Variants in PHF10 observed in about 807,000 individuals in gnomAD.
PHF10 encodes the protein PHD finger protein 10.
In PHF10, 51 loss-of-function variants were observed where a neutral mutation model predicts 68.5. The ratio of observed to expected loss-of-function variants is 0.74; its 90% CI spans 0.59 to 0.94. The LOEUF (loss-of-function observed/expected upper bound fraction) is 0.94. Among genes scored for constraint, PHF10 ranks in the 40% least tolerant of loss-of-function variants. The pLI is 0.00. For missense variants in PHF10, 460 were observed against 602.6 expected (o/e 0.76, Z 2.48); for synonymous variants, 204 against 203.5 (o/e 1.00, Z -0.02).
chr6:169,707,543 T>C (rs956088737), intron 9 of PHF10: 2 of 152,182 alleles, frequency 1.3e-5, no homozygotes, highest in African/African-American at 2.4e-5. Context: ...AATACTCTAA[T>C]ATCTTTCACT....
intron 9 of PHF10, chr6:169,708,924 AG>A (rs1394965299): frequency 6.6e-6 from 1 of 152,180 alleles, no homozygotes; most frequent in East Asian, 1.9e-4. Context: ...ACTTGCTTTC[AG>A]TTATTAAGCA....
At chr6:169,708,794 GC>G (rs1433183895) in intron 9 of PHF10, 3 of 152,030 alleles carry the variant, frequency 2.0e-5, no homozygotes, top group Admixed American at 2.0e-4. Flanking sequence ...GATCTACTTA[GC>G]ACTCAAGAGT....
intron 6 of PHF10, 56 bp from the exon 7 acceptor site, chr6:169,714,898 T>TTC: frequency 1.1e-6 from 1 of 932,732 alleles, no homozygotes; most frequent in Non-Finnish European, 1.8e-6. Context: ...ATCAAGGCTT[T>TTC]AGGAAGAGTC....
chr6:169,708,950 G>A (rs768713547), intron 9 of PHF10: 2 of 151,672 alleles, frequency 1.3e-5, no homozygotes, highest in Non-Finnish European at 2.9e-5. Flanking sequence ...TTTATATAAA[G>A]AAATTACATA....
rs751419693 is a variant in PHF10 at position 169,704,103 on chromosome 6, GTTAA to G, written c.1412-19_1412-16del. Reference sequence around the variant, plus strand: ...AATCCAGCGACCTAGGAAAAAAATTGTTAATATAGAATGAAAAATTATCTTTACA... The same window carrying G: ...AATCCAGCGACCTAGGAAAAAAATTGTATAGAATGAAAAATTATCTTTACA... On this transcript the variant is annotated splice_polypyrimidine_tract_variant and intron_variant, in intron 11 of 11. Coordinates refer to ENST00000339209, the MANE Select transcript of PHF10 (RefSeq NM_018288.4). 1 of 1,567,542 alleles carries G rather than the reference GTTAA, an allele frequency of 6.4e-7. No individual in the cohort carries two copies. The highest frequency in any genetic ancestry group is 2.2e-5 in the Admixed American group (1 of 46,312).
intron 1 of PHF10, among the ~76,000 whole-genome samples, chr6:169,722,923 T>C (rs1789214527): frequency 6.6e-6 from 1 of 152,222 alleles, no homozygotes; most frequent in Admixed American, 6.5e-5. Flanking sequence ...AGTGCAAGGA[T>C]GTGCATTCAG....
chr6:169,714,832 A>G lies in PHF10; in HGVS notation c.704T>C (p.Val235Ala), dbSNP rs765129670. 1 of 1,515,944 alleles carries G rather than the reference A, an allele frequency of 6.6e-7. No individual in the cohort carries two copies. The highest frequency in any genetic ancestry group is 9.2e-7 in the Non-Finnish European group (1 of 1,090,528). The allele number at this position is 1,515,944 out of a possible 1,614,324, so 93.9% of individuals were successfully genotyped here. A position where few individuals can be genotyped will look rare whatever the true frequency, so the allele number is the denominator to read the frequency against. Reference protein sequence around the residue: ...YFDLQTHVIQVPQGKYKVLPT... With the variant: ...YFDLQTHVIQAPQGKYKVLPT... ...CAAAACTTTGTACTTCCCTTGAGGT[A>G]CCTGGATAACCTACGTTAACATAAA... is the stretch of plus-strand genomic sequence containing the variant. Residue 235 changes from valine (V) to alanine (A), a missense_variant, in exon 7 of 12, where the codon GTA (valine) becomes GCA (alanine). Coordinates refer to ENST00000339209, the MANE Select transcript of PHF10 (RefSeq NM_018288.4).
intron 8 of PHF10, among the ~76,000 whole-genome samples, chr6:169,710,808 T>A (rs991009765): frequency 4.6e-5 from 7 of 151,178 alleles, no homozygotes; most frequent in African/African-American, 1.7e-4. Flanking sequence ...ATTAAGAAGG[T>A]CCTTCAGGAA....
intron 9 of PHF10, chr6:169,707,347 G>A (rs1033963201): frequency 1.3e-5 from 2 of 152,024 alleles, no homozygotes; most frequent in African/African-American, 4.8e-5. Context: ...AAACAGCTAG[G>A]AAGTGCACTT....
In PHF10 at chr6:169,720,068, A is replaced by G. The variant is rs145278981; in HGVS notation, c.194+937T>C. Among the ~76,000 whole-genome samples the G allele has an allele frequency of 2.6e-5, 4 of 152,252 alleles. No homozygotes were observed. The East Asian group carries it at 5.8e-4, about 22-fold the overall frequency. Reference sequence around the variant, plus strand: ...GGCCAAGCAGATGAAAAGATGTTCAATATCAGTAGGCATTATGAAAATGCA... The same window carrying G: ...GGCCAAGCAGATGAAAAGATGTTCAGTATCAGTAGGCATTATGAAAATGCA... On this transcript the variant is annotated intron_variant, in intron 2 of 11. Transcript: ENST00000339209.
chr6:169,704,969 G>C, intron 11 of PHF10, 164 bp downstream of exon 11: 1 of 476,978 alleles, frequency 2.1e-6, no homozygotes, highest in Non-Finnish European at 3.8e-6. Flanking sequence ...ATTGTCTAGG[G>C]ATGAAAAGCT....
chr6:169,705,299 C>T lies in PHF10; in HGVS notation c.1245G>A (p.Met415Ile), dbSNP rs1788743155. ...TAATCATAGAAACAAGCTCCATTGT[C>T]ATATCCAGGCAAGAAGGATGGCCTA... ...ENSGHPSCLD[M>I]TMELVSMIKT... The change falls in exon 11 of 12, where the codon ATG becomes ATA. Residue 415 changes from methionine (M) to isoleucine (I), a missense_variant. Met to Ile is a conservative substitution (Grantham distance 10). Transcript: ENST00000339209. The T allele has an allele frequency of 6.2e-7, 1 of 1,609,666 alleles. No homozygotes were observed. Among genetic ancestry groups the T allele is most frequent in the African/African-American group, 1.3e-5 (1 of 74,886 alleles).
Position 169,714,375 on chromosome 6 carries a change from T to C in PHF10, c.803+358A>G, listed in dbSNP as rs762956386. On this transcript the variant is annotated intron_variant, in intron 7 of 11. Coordinates refer to ENST00000339209, the MANE Select transcript of PHF10 (RefSeq NM_018288.4). ...CTGTTAAAATGCAGACTCTGAGTCA[T>C]AGGTCTAGAGTTGGGCCTGAGATTC... Among the ~76,000 whole-genome samples the C allele has an allele frequency of 8.4e-4, 128 of 152,172 alleles. 1 individual carries two copies. Among genetic ancestry groups the C allele is most frequent in the Non-Finnish European group, 1.7e-3 (117 of 68,036 alleles).
At chr6:169,707,100 T>G (rs541157861) in intron 9 of PHF10, 41 of 152,206 alleles carry the variant, frequency 2.7e-4, no homozygotes, top group Non-Finnish European at 4.6e-4. Context: ...AAACAAGAAC[T>G]CTAAACAATC....
Position 169,721,032 on chromosome 6 carries a change from C to G in PHF10, c.167G>C (p.Ser56Thr). The change falls in exon 2 of 12, where the codon AGT (serine) becomes ACT (threonine). Residue 56 changes from serine to threonine, a missense_variant. Transcript: ENST00000339209. Reference protein sequence around the residue: ...RRMGSGDSSRSCETSSQDLGF... With the variant: ...RRMGSGDSSRTCETSSQDLGF... Reference sequence around the variant, plus strand: ...AAGATCTTGACTTGAAGTTTCACAACTCCTAGAACTATCTCCTGAGCCCAT... The same window carrying G: ...AAGATCTTGACTTGAAGTTTCACAAGTCCTAGAACTATCTCCTGAGCCCAT... The G allele has an allele frequency of 6.5e-7, 1 of 1,545,416 alleles. No individual in the cohort carries two copies. Among genetic ancestry groups the G allele is most frequent in the Non-Finnish European group, 8.7e-7 (1 of 1,143,282 alleles).
chr6:169,712,313 G>A (rs186155057), intron 8 of PHF10, 73 bp downstream of exon 8: 2 of 1,250,712 alleles, frequency 1.6e-6, no homozygotes, highest in East Asian at 4.6e-5. Flanking sequence ...AGGAGAGGGT[G>A]ATGACAGAAA....
At position 169,704,165 on chromosome 6, in the gene PHF10, G is replaced by C. The variant is rs893110101; in HGVS notation, c.1412-77C>G. ...ATTTTAAGCCCATCTAAACTCTTCT[G>C]CCTTAGCTATCACTAATGATATTCC... On this transcript the variant is annotated intron_variant, in intron 11 of 11. Coordinates refer to ENST00000339209, the MANE Select transcript of PHF10 (RefSeq NM_018288.4). The C allele has an allele frequency of 2.9e-6, 3 of 1,051,066 alleles. No homozygotes were observed. In the African/African-American group the frequency reaches 5.0e-5, roughly 18 times the overall value. The allele number at this position is 1,051,066 out of a possible 1,614,324, so 65.1% of individuals were successfully genotyped here.
Position 169,724,078 on chromosome 6 carries a change from G to T in PHF10, c.-147C>A, listed in dbSNP as rs1315181347. The T allele has an allele frequency of 2.2e-5, 3 of 137,212 alleles. No homozygotes were observed. The highest frequency in any genetic ancestry group is 5.3e-5 in the African/African-American group (2 of 38,074). The allele number at this position is 137,212 out of a possible 1,614,324, so 8.5% of individuals were successfully genotyped here. A position where few individuals can be genotyped will look rare whatever the true frequency, so the allele number is the denominator to read the frequency against. On this transcript the variant is annotated 5_prime_UTR_variant, in exon 1 of 12. Coordinates refer to ENST00000339209, the MANE Select transcript of PHF10 (RefSeq NM_018288.4). Reference sequence around the variant, plus strand: ...CCCTCCGCCCGCCCGCCCGGGGGCCGGCCCCTGCCGCCGCGCGCCCCGCGG... The same window carrying T: ...CCCTCCGCCCGCCCGCCCGGGGGCCTGCCCCTGCCGCCGCGCGCCCCGCGG...
At position 169,710,330 on chromosome 6, in the gene PHF10, A is replaced by G; in HGVS notation, c.1019T>C (p.Phe340Ser). The change falls in exon 9 of 12, where the codon TTC becomes TCC. Residue 340 changes from phenylalanine to serine, a missense_variant. By Grantham distance (155) the Phe-to-Ser change is radical. Transcript: ENST00000339209. ...GTCTTTTGATTTCTGTCTTCCCTGG[A>G]AAGAGTCCTCCTGGCTGTCAGGAGG... Reference protein sequence around the residue: ...ESPPDSQEDSFQGRQKSKDKA... With the variant: ...ESPPDSQEDSSQGRQKSKDKA... The G allele has an allele frequency of 1.2e-6, 2 of 1,612,308 alleles. No individual in the cohort carries two copies. Among genetic ancestry groups the G allele is most frequent in the Non-Finnish European group, 1.7e-6 (2 of 1,178,434 alleles).
Sources: allele counts gnomAD v4.1 joint callset (sites outside exome capture counted in the v4.1 genomes callset), GRCh38; gene constraint gnomAD v4.1.1; transcripts MANE v1.5; gene names NCBI Gene and HGNC (gene_info 2026-07-23, HGNC 2026-07-21).